Variants in LIMA1 observed in about 807,000 individuals in gnomAD.
The protein encoded by LIMA1 is LIM domain and actin-binding protein 1.
Under a neutral mutation model 62.6 loss-of-function variants are expected in LIMA1, and 52 were observed. That is an observed-to-expected ratio of 0.83 (90% CI 0.67 to 1.05). The LOEUF is 1.05. LIMA1 is among the 50% of genes least tolerant of loss of function. The probability of loss-of-function intolerance (pLI) is 0.00; values close to 1 mark genes in which losing one functional copy is unlikely to be tolerated. For synonymous variants in LIMA1, 302 were observed against 317.8 expected (o/e 0.95, Z 0.53); for missense variants, 780 against 902.2 (o/e 0.86, Z 1.74).
At position 50,235,475 on chromosome 12, in the gene LIMA1, C is replaced by A. The variant is rs963709810; in HGVS notation, c.120-3765G>T. ...GAGACGGGTTTCACCAAGTTTGCCA[C>A]GCTGGTCTCGAACTCCTGACCTCAA... On this transcript the variant is annotated intron_variant, in intron 2 of 10. Transcript: ENST00000341247. Among the ~76,000 whole-genome samples, 3 of 151,668 alleles carry A rather than the reference C, an allele frequency of 2.0e-5. 1 individual carries two copies. The highest frequency in any genetic ancestry group is 2.0e-4 in the Admixed American group (3 of 15,206).
At position 50,178,012 on chromosome 12, in the gene LIMA1, T is replaced by C. The variant is rs553633696; in HGVS notation, c.1332A>G (p.Gln444=). The C allele has an allele frequency of 6.3e-7, 1 of 1,588,110 alleles. No individual in the cohort carries two copies. Among genetic ancestry groups the C allele is most frequent in the South Asian group, 1.2e-5 (1 of 85,414 alleles). ...GRIYCKPHFN[Q]LFKSKGNYDE... is the part of the protein sequence containing the mutation. ...CATAGTTGCCCTTAGATTTAAAGAG[T>C]TGATTGAAGTGAGGCTTACAATAGA... Residue 444 remains glutamine (Q), a synonymous_variant, in exon 11 of 11, where the codon CAA becomes CAG. Coordinates refer to ENST00000341247, the MANE Select transcript of LIMA1 (RefSeq NM_016357.5).
chr12:50,186,086 A>G (rs967964604), intron 9 of LIMA1: 2 of 152,430 alleles, frequency 1.3e-5, no homozygotes, highest in African/African-American at 4.8e-5. Flanking sequence ...AATTGCCCCC[A>G]TGTCTATTCA....
At chr12:50,200,507 T>C (rs1046103525) in intron 7 of LIMA1, among the ~76,000 whole-genome samples, 3 of 152,242 alleles carry the variant, frequency 2.0e-5, no homozygotes, top group Admixed American at 6.5e-5. Context: ...AGCCTCCAAA[T>C]AGATTTTAAA....
intron 9 of LIMA1, among the ~76,000 whole-genome samples, chr12:50,184,390 C>G (rs1421227509): frequency 1.3e-5 from 2 of 152,178 alleles, no homozygotes; most frequent in Non-Finnish European, 2.9e-5. Flanking sequence ...GGCCTGTAAT[C>G]CCAGCACTTT....
chr12:50,275,104 C>A (rs140730586), intron 1 of LIMA1, among the ~76,000 whole-genome samples: 10 of 152,190 alleles, frequency 6.6e-5, no homozygotes, highest in African/African-American at 2.4e-4. Context: ...TGCCTATAAT[C>A]CCAGCACTTT....
chr12:50,214,150 TGCTGAGGATA>T (rs1303997339), intron 4 of LIMA1, among the ~76,000 whole-genome samples: 2 of 152,162 alleles, frequency 1.3e-5, no homozygotes, highest in African/African-American at 4.8e-5. Context: ...GTCAAAATAA[TGCTGAGGATA>T]GCCTTATTTA....
intron 9 of LIMA1, among the ~76,000 whole-genome samples, chr12:50,192,194 A>G (rs999806759): frequency 5.3e-5 from 8 of 152,010 alleles, no homozygotes; most frequent in African/African-American, 1.9e-4. Flanking sequence ...AAAAACCGAC[A>G]TTATTTTAAA....
At chr12:50,225,002 A>G (rs1723006823) in intron 3 of LIMA1, among the ~76,000 whole-genome samples, 1 of 149,068 alleles carries the variant, frequency 6.7e-6, no homozygotes, top group African/African-American at 2.5e-5. Context: ...TCCTGGATTC[A>G]AGCAATTCTC....
chr12:50,198,185 T>C (rs1247934509), intron 7 of LIMA1, among the ~76,000 whole-genome samples: 5 of 152,230 alleles, frequency 3.3e-5, no homozygotes, highest in Admixed American at 6.5e-5. Flanking sequence ...AAGAGTAGTA[T>C]ATCTCATGAG....
intron 4 of LIMA1, among the ~76,000 whole-genome samples, chr12:50,208,346 C>T (rs905601544): frequency 2.6e-5 from 4 of 152,056 alleles, no homozygotes; most frequent in African/African-American, 7.2e-5. Flanking sequence ...ATTAGCCAGG[C>T]GTGGTGGCCC....
At chr12:50,183,769 C>T (rs924538406) in intron 9 of LIMA1, among the ~76,000 whole-genome samples, 1 of 142,344 alleles carries the variant, frequency 7.0e-6, no homozygotes, top group Non-Finnish European at 1.5e-5. Context: ...CGAGATTGAG[C>T]CACTGCACTC....
chr12:50,226,858 C>T (rs796693384), intron 3 of LIMA1, among the ~76,000 whole-genome samples: 2 of 146,890 alleles, frequency 1.4e-5, no homozygotes, highest in African/African-American at 2.5e-5. Context: ...AAAAAGATTT[C>T]TTCTCATTTA....
At chr12:50,218,798 T>A (rs752825963) in intron 4 of LIMA1, among the ~76,000 whole-genome samples, 1 of 151,698 alleles carries the variant, frequency 6.6e-6, no homozygotes, top group Non-Finnish European at 1.5e-5. Context: ...CCCCAGCTAT[T>A]TGGGAGGCTG....
At chr12:50,271,485 C>T (rs1427145246) in intron 1 of LIMA1, among the ~76,000 whole-genome samples, 2 of 152,120 alleles carry the variant, frequency 1.3e-5, no homozygotes, top group South Asian at 2.1e-4. Context: ...ATTCTAAGGG[C>T]AAACATAATC....
rs1592492069 is a variant in LIMA1, at chr12:50,182,007, C to T, written c.1171G>A (p.Val391Met). ...KFQAPARETCVECQKTVYPME... is the reference protein window; with the variant it reads ...KFQAPARETCMECQKTVYPME... ...GGATAGACTGTCTTCTGACATTCCA[C>T]GCAGGTCTCTCTTGCAGGTGCCTGA... The change falls in exon 10 of 11, where the codon GTG (valine) becomes ATG (methionine). Residue 391 changes from valine (V) to methionine (M), a missense_variant. By Grantham distance (21) the Val-to-Met change is conservative. Coordinates refer to ENST00000341247, the MANE Select transcript of LIMA1 (RefSeq NM_016357.5). The T allele has an allele frequency of 3.7e-6, 6 of 1,612,888 alleles. No individual in the cohort carries two copies. The highest frequency in any genetic ancestry group is 2.2e-5 in the South Asian group (2 of 91,026).
chr12:50,193,642 G>C (rs1940852803), intron 8 of LIMA1, among the ~76,000 whole-genome samples: 2 of 80,636 alleles, frequency 2.5e-5, no homozygotes, highest in Non-Finnish European at 4.6e-5. Context: ...GTGTGTGTGT[G>C]TGTGTGTGTA....
At chr12:50,244,693 T>G (rs1406014205) in intron 2 of LIMA1, among the ~76,000 whole-genome samples, 1 of 152,182 alleles carries the variant, frequency 6.6e-6, no homozygotes, top group Non-Finnish European at 1.5e-5. Flanking sequence ...GTGAGATCCC[T>G]CTGCACTTTC....
intron 2 of LIMA1, among the ~76,000 whole-genome samples, chr12:50,235,103 A>T (rs1226553698): frequency 3.3e-5 from 5 of 151,990 alleles, no homozygotes; most frequent in African/African-American, 1.2e-4. Context: ...CGACTAATTT[A>T]AAAAAATTTT....
chr12:50,206,498 T>A (rs1009680476), intron 4 of LIMA1, among the ~76,000 whole-genome samples: 3 of 152,242 alleles, frequency 2.0e-5, no homozygotes, highest in Non-Finnish European at 4.4e-5. Flanking sequence ...TAACTGGTTC[T>A]TCATTATCTT....
Sources: allele counts gnomAD v4.1 joint callset (sites outside exome capture counted in the v4.1 genomes callset), GRCh38; gene constraint gnomAD v4.1.1; transcripts MANE v1.5; gene names NCBI Gene and HGNC (gene_info 2026-07-23, HGNC 2026-07-21).